Variants in SLC3A1 observed in about 807,000 individuals in gnomAD.
The protein encoded by SLC3A1 is solute carrier family 3 member 1.
In SLC3A1, 78 loss-of-function variants were observed where a neutral mutation model predicts 60.3. The ratio of observed to expected loss-of-function variants is 1.29; its 90% confidence interval spans 1.08 to 1.56. SLC3A1 has a LOEUF of 1.56. SLC3A1 is among the 40% of genes most tolerant of loss of function. The probability of loss-of-function intolerance (pLI) is 0.00; values close to 1 mark genes in which losing one functional copy is unlikely to be tolerated. For synonymous variants in SLC3A1, 392 were observed against 307.9 expected, an observed-to-expected ratio of 1.27 and a Z score of -2.86; for missense variants, 1,172 against 858.9, an observed-to-expected ratio of 1.36 and a Z score of -4.56.
At chr2:44,284,397 ATAAC>A (rs1424623307) in intron 3 of SLC3A1, among the ~76,000 whole-genome samples, 7 of 152,128 alleles carry the variant, frequency 4.6e-5, no homozygotes, top group African/African-American at 1.7e-4. Flanking sequence ...TTTTAGGTAA[ATAAC>A]TAGGAGTAAA....
intron 3 of SLC3A1, among the ~76,000 whole-genome samples, chr2:44,281,787 T>G (rs1671505971): frequency 6.6e-6 from 1 of 152,196 alleles, no homozygotes; most frequent in Non-Finnish European, 1.5e-5. Flanking sequence ...TTTTCTCTCC[T>G]TCCACCCTTC....
chr2:44,287,878 C>T (rs1009984699), intron 4 of SLC3A1, among the ~76,000 whole-genome samples: 39 of 152,100 alleles, frequency 2.6e-4, no homozygotes, highest in Non-Finnish European at 5.7e-4. Flanking sequence ...GCTGGAGTCA[C>T]TAGGGGCACC....
intron 7 of SLC3A1, among the ~76,000 whole-genome samples, chr2:44,305,427 CTT>C (rs139686441): frequency 0.58 from 67,506 of 115,636 alleles, 17,779 homozygotes; most frequent in Middle Eastern, 0.64. Flanking sequence ...TCTTTTCTTA[CTT>C]TTTTTTTTTT....
chr2:44,275,712 C>G lies in SLC3A1; in HGVS notation c.177C>G (p.Phe59Leu). Reference sequence around the variant, plus strand: ...TCCTTGGCTCCCAGGAGCCCGACTTCAAGGGCGTCCAGCCCTATGCGGGGA... The same window carrying G: ...TCCTTGGCTCCCAGGAGCCCGACTTGAAGGGCGTCCAGCCCTATGCGGGGA... The part of the protein sequence containing the change: ...RGILGSQEPD[F>L]KGVQPYAGMP... Residue 59 changes from phenylalanine (F) to leucine (L), a missense_variant, in exon 1 of 10, where the codon TTC (phenylalanine) becomes TTG (leucine). Phe to Leu is a conservative substitution (Grantham distance 22). Transcript: ENST00000260649. 2.5e-6 allele frequency: 4 copies of G among 1,614,190 alleles called. No individual in the cohort carries two copies. Among genetic ancestry groups the G allele is most frequent in the Non-Finnish European group, 2.5e-6 (3 of 1,180,014 alleles).
At chr2:44,281,640 A>C (rs1671502659) in intron 3 of SLC3A1, 99 bp downstream of exon 3, 1 of 1,168,698 alleles carries the variant, frequency 8.6e-7, no homozygotes, top group Admixed American at 1.8e-5. Context: ...ATGAATGAAT[A>C]TAGTTTATCG....
Position 44,320,190 on chromosome 2 carries a change from A to C in SLC3A1, c.1618-9A>C. Reference sequence around the variant, plus strand: ...AAACACTTACGTAAATACTTTTTTAAAAAAATAGGTCCAAAAGACTCAGCC... The same window carrying C: ...AAACACTTACGTAAATACTTTTTTACAAAAATAGGTCCAAAAGACTCAGCC... On this transcript the variant is annotated splice_polypyrimidine_tract_variant and intron_variant, in intron 9 of 9. Transcript: ENST00000260649. 1 of 1,608,104 alleles carries C rather than the reference A, an allele frequency of 6.2e-7. No individual in the cohort carries two copies. Among genetic ancestry groups the C allele is most frequent in the Non-Finnish European group, 8.5e-7 (1 of 1,175,550 alleles).
chr2:44,299,146 C>G (rs908363143), intron 4 of SLC3A1, among the ~76,000 whole-genome samples: 1 of 149,220 alleles, frequency 6.7e-6, no homozygotes, highest in African/African-American at 2.5e-5. Flanking sequence ...TCAAGTGATT[C>G]TCCTGCCTCG....
chr2:44,301,409 TA>T (rs1558462757), intron 6 of SLC3A1: 1 of 599,450 alleles, frequency 1.7e-6, no homozygotes, highest in Non-Finnish European at 3.0e-6. Flanking sequence ...TTATATTAGC[TA>T]AATGTTAGCC....
chr2:44,300,900 C>A, intron 5 of SLC3A1, 103 bp from the exon 6 acceptor site: 1 of 1,377,648 alleles, frequency 7.3e-7, no homozygotes, highest in Non-Finnish European at 1.0e-6. Flanking sequence ...GTGCGTCTCG[C>A]TTGGCTTGAG....
At position 44,304,279 on chromosome 2, in the gene SLC3A1, T is replaced by C; in HGVS notation, c.1273T>C (p.Tyr425His). 2 of 1,614,200 alleles carry C rather than the reference T, an allele frequency of 1.2e-6. No individual in the cohort carries two copies. Among genetic ancestry groups the C allele is most frequent in the Non-Finnish European group, 8.5e-7 (1 of 1,180,008 alleles). Residue 425 changes from tyrosine (Y) to histidine (H), a missense_variant, in exon 7 of 10, where the codon TAT (tyrosine) becomes CAT (histidine). Physicochemically the swap from Tyr to His is moderately conservative, Grantham distance 83 (BLOSUM62 2). Transcript: ENST00000260649. ...AGACACTGTTTCTGGGAACAGCGTG[T>C]ATGAGGTTATCACATCCTGGATGGA... is the stretch of plus-strand genomic sequence containing the variant. ...MLDTVSGNSV[Y>H]EVITSWMENM...
At chr2:44,307,612 G>T (rs1449106981) in intron 7 of SLC3A1, among the ~76,000 whole-genome samples, 1 of 149,242 alleles carries the variant, frequency 6.7e-6, no homozygotes, top group Non-Finnish European at 1.5e-5. Context: ...TTTGTTGAGG[G>T]TATTTTCATG....
intron 4 of SLC3A1, among the ~76,000 whole-genome samples, chr2:44,295,220 C>T (rs1163707282): frequency 1.3e-5 from 2 of 152,186 alleles, no homozygotes; most frequent in Non-Finnish European, 2.9e-5. Flanking sequence ...GCTTTCTTTT[C>T]ACTCAGAGCA....
chr2:44,287,081 C>T (rs774440127), intron 4 of SLC3A1, among the ~76,000 whole-genome samples: 4 of 152,044 alleles, frequency 2.6e-5, no homozygotes, highest in African/African-American at 9.7e-5. Context: ...TTGCCTACTC[C>T]GTGCCAGGCC....
rs765625100 is a variant in SLC3A1, at chr2:44,281,386, G to A, written c.611-1G>A. On this transcript the variant is annotated splice_acceptor_variant, in intron 2 of 9. Coordinates refer to ENST00000260649, the MANE Select transcript of SLC3A1 (RefSeq NM_000341.4). LOFTEE classifies it high-confidence loss of function. ...CATTTGAAATGTCTTTTACTCATTAGGTTTAAAATTAATCATCGATTTCAT... is the reference window on the plus strand; with the variant it reads ...CATTTGAAATGTCTTTTACTCATTAAGTTTAAAATTAATCATCGATTTCAT... 30 of 1,610,758 alleles carry A rather than the reference G, an allele frequency of 1.9e-5. No homozygotes were observed. Among genetic ancestry groups the A allele is most frequent in the Non-Finnish European group, 2.5e-5 (30 of 1,177,104 alleles).
At chr2:44,315,001 G>GA in intron 9 of SLC3A1, 1 of 119,940 alleles carries the variant, frequency 8.3e-6, no homozygotes, top group East Asian at 2.8e-4. Flanking sequence ...GTGTGGTCTT[G>GA]GCTCACCGCA....
intron 9 of SLC3A1, chr2:44,319,019 T>A (rs113601979): frequency 6.6e-6 from 1 of 152,232 alleles, no homozygotes; most frequent in Non-Finnish European, 1.5e-5. Flanking sequence ...GCACTTCTTA[T>A]GTGAGTGGCA....
Position 44,280,800 on chromosome 2 carries a change from A to G in SLC3A1, c.515A>G (p.Asp172Gly), listed in dbSNP as rs1671479157. The change falls in exon 2 of 10, where the codon GAT becomes GGT. Residue 172 changes from aspartate to glycine, a missense_variant. By Grantham distance (94) the Asp-to-Gly change is moderately conservative (BLOSUM62 -1). Transcript: ENST00000260649. ...TCATTTTATAAATCGTCCCTTAAAG[A>G]TTTCAGATATGGTGTTGAAGATTTC... ...ITSFYKSSLK[D>G]FRYGVEDFRE... is the part of the protein sequence containing the mutation. 1.2e-6 allele frequency: 2 copies of G among 1,613,400 alleles called. No homozygotes were observed. Among genetic ancestry groups the G allele is most frequent in the Non-Finnish European group, 1.7e-6 (2 of 1,179,336 alleles).
chr2:44,300,688 CT>C (rs199523809), intron 5 of SLC3A1, among the ~76,000 whole-genome samples: 3 of 151,256 alleles, frequency 2.0e-5, no homozygotes, highest in Admixed American at 6.6e-5. Context: ...CCACTAAGAT[CT>C]TTTTTTTTGT....
intron 7 of SLC3A1, among the ~76,000 whole-genome samples, chr2:44,311,644 G>C (rs2104382462): frequency 6.6e-6 from 1 of 151,618 alleles, no homozygotes; most frequent in Non-Finnish European, 1.5e-5. Flanking sequence ...TAATTTTCTG[G>C]CCATAAACAT....
Sources: gnomAD v4.1 joint callset for allele counts (sites outside exome capture counted in the v4.1 genomes callset) on GRCh38, gnomAD v4.1.1 for gene constraint, MANE v1.5 for transcripts, NCBI Gene and HGNC (gene_info 2026-07-23, HGNC 2026-07-21) for gene names.